Variants in CHRDL1 observed in about 807,000 individuals in gnomAD.
The protein encoded by CHRDL1 is chordin like 1.
CHRDL1 carries 19 observed loss-of-function variants against 40.9 expected under a neutral mutation model. The observed-to-expected ratio is 0.46, with a 90% CI of 0.32 to 0.68. The LOEUF (loss-of-function observed/expected upper bound fraction) is 0.68, where lower values mean the gene tolerates loss of function less well. CHRDL1 is among the 30% of genes least tolerant of loss of function. CHRDL1 has a pLI of 0.03. For missense variants in CHRDL1, 329 were observed against 352.1 expected, an observed-to-expected ratio of 0.93 and a Z score of 0.53; for synonymous variants, 136 against 123.4, an observed-to-expected ratio of 1.10 and a Z score of -0.68.
intron 6 of CHRDL1, among the ~76,000 whole-genome samples, chrX:110,702,631 G>T (rs762089863): frequency 9.0e-6 from 1 of 111,715 alleles, no homozygotes; most frequent in South Asian, 3.8e-4. Context: ...CTATAACAGT[G>T]CCTGATACAT....
At chrX:110,709,101 T>C (rs776376286) in intron 6 of CHRDL1, among the ~76,000 whole-genome samples, 1 of 112,580 alleles carries the variant, frequency 8.9e-6, no homozygotes, top group Non-Finnish European at 1.9e-5. Flanking sequence ...TCTCTGTGCC[T>C]CAGTTTCCTT....
intron 4 of CHRDL1, among the ~76,000 whole-genome samples, chrX:110,743,726 G>A (rs1313545677): frequency 8.9e-6 from 1 of 111,973 alleles, no homozygotes; most frequent in Non-Finnish European, 1.9e-5. Flanking sequence ...AGCAAATACA[G>A]GAAAGCAAAA....
At chrX:110,759,851 C>A (rs2089530147) in intron 3 of CHRDL1, 97 bp from the exon 4 acceptor site, 2 of 576,954 alleles carry the variant, frequency 3.5e-6, no homozygotes, top group Non-Finnish European at 6.1e-6. Flanking sequence ...CTCACCCAGG[C>A]AGTGAATAAT....
At chrX:110,709,169 T>C (rs770936442) in intron 6 of CHRDL1, among the ~76,000 whole-genome samples, 9 of 112,539 alleles carry the variant, frequency 8.0e-5, no homozygotes, top group Admixed American at 6.6e-4. Context: ...TTAAATGAAT[T>C]AGTATATGCA....
chrX:110,769,908 T>G (rs1281335460), intron 2 of CHRDL1, among the ~76,000 whole-genome samples: 2 of 112,256 alleles, frequency 1.8e-5, no homozygotes, highest in African/African-American at 6.5e-5. Flanking sequence ...TAAAAGATGT[T>G]CAACCTCACT....
At chrX:110,733,276 C>T (rs2071200729) in intron 4 of CHRDL1, among the ~76,000 whole-genome samples, 1 of 111,459 alleles carries the variant, frequency 9.0e-6, no homozygotes, top group Admixed American at 9.5e-5. Context: ...CACACCACAG[C>T]ATGGCCCAGC....
rs771475839 is a variant in CHRDL1 at position 110,712,967 on chromosome X, C to T, written c.541+6868G>A. 1.3e-4 allele frequency among the ~76,000 whole-genome samples: 14 copies of T among 111,066 alleles called. No homozygotes were observed. In the South Asian group the frequency reaches 4.2e-3, roughly 33 times the overall value. On this transcript the variant is annotated intron_variant, in intron 6 of 11. Coordinates refer to ENST00000372042, the MANE Select transcript of CHRDL1 (RefSeq NM_001143981.2). Reference sequence around the variant, plus strand: ...AAAGAACATTATAGACCCCTACAGCCTGGGGAGGGACTGGATTCATGGTGG... The same window carrying T: ...AAAGAACATTATAGACCCCTACAGCTTGGGGAGGGACTGGATTCATGGTGG...
chrX:110,736,851 C>T (rs2071272652), intron 4 of CHRDL1, among the ~76,000 whole-genome samples: 1 of 111,984 alleles, frequency 8.9e-6, no homozygotes, highest in Admixed American at 9.5e-5. Flanking sequence ...GTGCTCAGGG[C>T]TTCAGGTTGA....
chrX:110,695,150 GATGT>G (rs1320661153), intron 7 of CHRDL1, among the ~76,000 whole-genome samples: 4 of 111,104 alleles, frequency 3.6e-5, no homozygotes, highest in Non-Finnish European at 5.7e-5. Flanking sequence ...GTCTTGATAA[GATGT>G]ACTTAGACTC....
chrX:110,763,002 G>A (rs2089592627), intron 2 of CHRDL1, among the ~76,000 whole-genome samples, 195 bp from the exon 3 acceptor site: 1 of 111,460 alleles, frequency 9.0e-6, no homozygotes, highest in African/African-American at 3.3e-5. Flanking sequence ...TGACCCATAA[G>A]GTAGATATTA....
chrX:110,736,466 T>C (rs1012889249), intron 4 of CHRDL1, among the ~76,000 whole-genome samples: 14 of 112,069 alleles, frequency 1.2e-4, no homozygotes, highest in African/African-American at 4.5e-4. Flanking sequence ...GATGCTCATA[T>C]TAAAGTGATT....
rs536013228 is a variant in CHRDL1, at chrX:110,762,269, C to T, written c.207+426G>A. ...AAATGTTTATTTTTCTTGCAATCGT[C>T]TTCTTACTTTCTTCTTTTATTTTAT... On this transcript the variant is annotated intron_variant, in intron 3 of 11. Transcript: ENST00000372042. 1.9e-4 allele frequency among the ~76,000 whole-genome samples: 21 copies of T among 111,699 alleles called. No homozygotes were observed. The South Asian group carries it at 7.5e-3, about 40-fold the overall frequency.
intron 4 of CHRDL1, among the ~76,000 whole-genome samples, chrX:110,747,901 C>T (rs763137473): frequency 8.9e-6 from 1 of 112,393 alleles, no homozygotes; most frequent in Non-Finnish European, 1.9e-5. Flanking sequence ...ATATTGTATG[C>T]GTTTGTGCAT....
In CHRDL1 at chrX:110,785,164, AC is replaced by A. The variant is rs1383680274; in HGVS notation, c.94+6923del. ...TAGAGAATAAAAGTTGAGCTCTTGA[AC>A]TTCTCACAATAGAATCAAATTTGCA... is the stretch of plus-strand genomic sequence containing the variant. On this transcript the variant is annotated intron_variant, in intron 2 of 11. Transcript: ENST00000372042. Among the ~76,000 whole-genome samples, 8 of 111,504 alleles carry A rather than the reference AC, an allele frequency of 7.2e-5. 1 individual carries two copies.
At chrX:110,677,248 T>C (rs771556303) in intron 11 of CHRDL1, among the ~76,000 whole-genome samples, 15 of 111,140 alleles carry the variant, frequency 1.3e-4, no homozygotes, top group Non-Finnish European at 2.3e-4. Context: ...GATTTCTCCC[T>C]TTTCCCCATT....
chrX:110,695,559 T>A (rs773889406), intron 7 of CHRDL1, among the ~76,000 whole-genome samples: 8 of 112,340 alleles, frequency 7.1e-5, no homozygotes, highest in Non-Finnish European at 1.5e-4. Flanking sequence ...TAAGATTAAT[T>A]GTATTTTATA....
intron 6 of CHRDL1, among the ~76,000 whole-genome samples, chrX:110,717,783 T>C (rs959888450): frequency 2.7e-5 from 3 of 111,913 alleles, no homozygotes; most frequent in Non-Finnish European, 5.6e-5. Context: ...CGGTGATGGA[T>C]TGCTTTTTGG....
chrX:110,681,618 T>TA lies in CHRDL1; in HGVS notation c.1019_1020insT (p.Lys340AsnfsTer14). 3.3e-6 allele frequency: 4 copies of TA among 1,206,994 alleles called. No individual in the cohort carries two copies. The Middle Eastern group carries it at 6.9e-4, about 208-fold the overall frequency. ...TCGTTTCTTCCCCGCAGAAGTAGCC[T>TA]TTATTGTCAAAGCTTTGGCCTGGAA... On this transcript the variant is annotated frameshift_variant, in exon 10 of 12. Transcript: ENST00000372042. LOFTEE classifies it high-confidence loss of function.
rs1298926346 is a variant in CHRDL1 at position 110,777,332 on chromosome X, A to C, written c.95-14525T>G. ...ATCTGTGTGCAGGTTTTTGTGGGAC[A>C]TACATTTTAAAATTTGGGATGTTAA... On this transcript the variant is annotated intron_variant, in intron 2 of 11. Transcript: ENST00000372042. Among the ~76,000 whole-genome samples the C allele has an allele frequency of 1.2e-4, 6 of 51,745 alleles. No homozygotes were observed. In the Admixed American group the frequency reaches 1.8e-3, roughly 15 times the overall value. 44.9% of individuals were successfully genotyped at this position (51,745 alleles called of 115,157 possible).
Sources: allele counts gnomAD v4.1 joint callset (sites outside exome capture counted in the v4.1 genomes callset), GRCh38; gene constraint gnomAD v4.1.1; transcripts MANE v1.5; gene names NCBI Gene and HGNC (gene_info 2026-07-23, HGNC 2026-07-21).